The following THRB variants were observed in gnomAD, a reference collection of about 807,000 sequenced individuals.
The protein encoded by THRB is nuclear receptor subfamily 1 group A member 2.
In THRB, 12 loss-of-function variants were observed where a neutral mutation model predicts 47.8. The ratio of observed to expected loss-of-function variants is 0.25; its 90% CI spans 0.16 to 0.41. THRB has a LOEUF of 0.41. Among genes scored for constraint, THRB ranks in the 10% least tolerant of loss-of-function variants. The probability of loss-of-function intolerance (pLI) is 1.00; values close to 1 mark genes in which losing one functional copy is unlikely to be tolerated. For missense variants in THRB, 348 were observed against 589.2 expected (o/e 0.59, Z 4.24); for synonymous variants, 218 against 212.2 (o/e 1.03, Z -0.24).
intron 1 of THRB, among the ~76,000 whole-genome samples, chr3:24,394,788 C>A (rs2066830566): frequency 6.6e-6 from 1 of 151,980 alleles, no homozygotes; most frequent in South Asian, 2.1e-4. Context: ...CTTTGAAAAC[C>A]TTTAATGCCT....
At chr3:24,209,679 G>A (rs2045805148) in intron 4 of THRB, among the ~76,000 whole-genome samples, 1 of 152,180 alleles carries the variant, frequency 6.6e-6, no homozygotes, top group Non-Finnish European at 1.5e-5. Context: ...CTGTCATAGG[G>A]TGGGCGGAGC....
intron 1 of THRB, among the ~76,000 whole-genome samples, chr3:24,485,160 C>G (rs1294983033): frequency 6.6e-6 from 1 of 152,150 alleles, no homozygotes; most frequent in Non-Finnish European, 1.5e-5. Flanking sequence ...GACAGAGGAG[C>G]TATAGGCATG....
intron 1 of THRB, among the ~76,000 whole-genome samples, chr3:24,425,494 C>T (rs1021069673): frequency 2.0e-5 from 3 of 151,076 alleles, no homozygotes; most frequent in African/African-American, 7.3e-5. Flanking sequence ...TTACTTTTAC[C>T]AACAATTGGA....
At chr3:24,179,783 A>AT (rs950238350) in intron 5 of THRB, among the ~76,000 whole-genome samples, 4 of 152,186 alleles carry the variant, frequency 2.6e-5, no homozygotes, top group Non-Finnish European at 5.9e-5. Context: ...GCATAATTTT[A>AT]TTTTTTAGTA....
chr3:24,436,831 G>A (rs1234463282), intron 1 of THRB, among the ~76,000 whole-genome samples: 2 of 152,052 alleles, frequency 1.3e-5, no homozygotes, highest in Non-Finnish European at 2.9e-5. Flanking sequence ...ATATAATAAT[G>A]TGAATCTCTT....
chr3:24,204,192 G>A (rs1298856984), intron 4 of THRB, among the ~76,000 whole-genome samples: 1 of 152,262 alleles, frequency 6.6e-6, no homozygotes. Context: ...TCTGAAAACA[G>A]ACAGACTGCC....
chr3:24,178,902 A>C (rs2041533550), intron 5 of THRB, among the ~76,000 whole-genome samples: 1 of 152,234 alleles, frequency 6.6e-6, no homozygotes, highest in African/African-American at 2.4e-5. Context: ...TGATTTAATA[A>C]TTTAAAGCTG....
In THRB at chr3:24,304,418, C is replaced by A. The variant is rs955904388; in HGVS notation, c.-188-7047G>T. Among the ~76,000 whole-genome samples the A allele has an allele frequency of 4.6e-5, 7 of 151,112 alleles. No individual in the cohort carries two copies. In the Admixed American group the frequency reaches 4.6e-4, roughly 10 times the overall value. On this transcript the variant is annotated intron_variant, in intron 2 of 10. Transcript: ENST00000646209. ...TATCTACTTGAAAAATAAGAAACAT[C>A]CTTTATAATAGCTGTAAGATTCATG...
At chr3:24,337,604 G>A (rs954181740) in intron 1 of THRB, among the ~76,000 whole-genome samples, 2 of 152,144 alleles carry the variant, frequency 1.3e-5, no homozygotes, top group African/African-American at 4.8e-5. Flanking sequence ...TACAGGCATG[G>A]GACAACTTTT....
intron 1 of THRB, among the ~76,000 whole-genome samples, chr3:24,363,661 T>A (rs1410311462): frequency 1.3e-5 from 2 of 152,174 alleles, no homozygotes; most frequent in Non-Finnish European, 2.9e-5. Flanking sequence ...AGGAAACATC[T>A]TTTGGCAACT....
chr3:24,277,467 T>A (rs1358634089), intron 3 of THRB, among the ~76,000 whole-genome samples: 1 of 152,178 alleles, frequency 6.6e-6, no homozygotes, highest in Non-Finnish European at 1.5e-5. Context: ...AATTTTTGAT[T>A]CAGTGAGTCT....
intron 1 of THRB, among the ~76,000 whole-genome samples, chr3:24,380,282 T>C (rs947998654): frequency 6.6e-6 from 1 of 151,674 alleles, no homozygotes; most frequent in African/African-American, 2.4e-5. Context: ...TAAAATCAAA[T>C]CCAGGCTTTA....
At chr3:24,264,583 T>C (rs2052444979) in intron 3 of THRB, among the ~76,000 whole-genome samples, 1 of 3,950 alleles carries the variant, frequency 2.5e-4, no homozygotes, top group Admixed American at 7.7e-4. Context: ...TGATTTTTCA[T>C]ATATTATCTC....
intron 1 of THRB, among the ~76,000 whole-genome samples, chr3:24,450,660 G>C (rs1184431123): frequency 2.0e-5 from 3 of 152,112 alleles, no homozygotes; most frequent in Non-Finnish European, 2.9e-5. Flanking sequence ...AATTAAACCA[G>C]GTGTAGGTAA....
In THRB at chr3:24,307,054, T is replaced by G. The variant is rs2057395331; in HGVS notation, c.-188-9683A>C. Among the ~76,000 whole-genome samples the G allele has an allele frequency of 2.6e-5, 4 of 151,598 alleles. No individual in the cohort carries two copies. In the South Asian group the frequency reaches 8.3e-4, roughly 31 times the overall value. On this transcript the variant is annotated intron_variant, in intron 2 of 10. Transcript: ENST00000646209. ...TTGGCTGTTTTTATAAATATAATAA[T>G]AAATTATAATAAAATATTAATGTTA...
chr3:24,302,272 T>C (rs969128608), intron 2 of THRB, among the ~76,000 whole-genome samples: 1 of 152,236 alleles, frequency 6.6e-6, no homozygotes, highest in Non-Finnish European at 1.5e-5. Flanking sequence ...TGTTTTGATA[T>C]AGTCACTTCT....
chr3:24,367,023 C>T (rs2064523845), intron 1 of THRB, among the ~76,000 whole-genome samples: 1 of 152,094 alleles, frequency 6.6e-6, no homozygotes. Flanking sequence ...TCAAATAATG[C>T]TAATCAACAT....
chr3:24,373,381 G>A (rs1031553233), intron 1 of THRB, among the ~76,000 whole-genome samples: 2 of 152,058 alleles, frequency 1.3e-5, no homozygotes, highest in Non-Finnish European at 2.9e-5. Context: ...AAGGCACTGG[G>A]TATTTCAGTA....
At chr3:24,302,025 C>T (rs1411169913) in intron 2 of THRB, among the ~76,000 whole-genome samples, 1 of 152,194 alleles carries the variant, frequency 6.6e-6, no homozygotes, top group Non-Finnish European at 1.5e-5. Flanking sequence ...CAGACTTCTT[C>T]CCTACAGACT....
Sources: allele counts gnomAD v4.1 joint callset (sites outside exome capture counted in the v4.1 genomes callset), GRCh38; gene constraint gnomAD v4.1.1; transcripts MANE v1.5; gene names NCBI Gene and HGNC (gene_info 2026-07-23, HGNC 2026-07-21).